The following CREB5 variants were observed in gnomAD, a reference collection of about 807,000 sequenced individuals.
CREB5 encodes the protein cyclic AMP-responsive element-binding protein 5.
Under a neutral mutation model 57.1 loss-of-function variants are expected in CREB5, and 19 were observed. The observed-to-expected ratio is 0.33, with a 90% CI of 0.23 to 0.49. The LOEUF (loss-of-function observed/expected upper bound fraction) is 0.49. Ranked by LOEUF, CREB5 falls within the 20% of genes least tolerant of loss-of-function variation. CREB5 has a pLI of 0.99. For missense variants in CREB5, 579 were observed against 671.6 expected (o/e 0.86, Z 1.52); for synonymous variants, 238 against 238.3 (o/e 1.00, Z 0.01).
At chr7:28,562,962 T>G (rs1333163241) in intron 4 of CREB5, among the ~76,000 whole-genome samples, 1 of 152,220 alleles carries the variant, frequency 6.6e-6, no homozygotes, top group African/African-American at 2.4e-5. Flanking sequence ...GTGATGAGCC[T>G]GGTTAAGACG....
At chr7:28,486,854 C>T (rs1210281732) in intron 1 of CREB5, among the ~76,000 whole-genome samples, 3 of 150,890 alleles carry the variant, frequency 2.0e-5, no homozygotes, top group African/African-American at 7.3e-5. Flanking sequence ...CTTGTAATCC[C>T]AGCATTTTGG....
chr7:28,368,009 A>G (rs972973276), intron 1 of CREB5, among the ~76,000 whole-genome samples: 1 of 152,118 alleles, frequency 6.6e-6, no homozygotes, highest in African/African-American at 2.4e-5. Context: ...CCAATGATCT[A>G]TGCTCCATAA....
chr7:28,432,380 A>G (rs1324874195), intron 1 of CREB5, among the ~76,000 whole-genome samples: 5 of 152,200 alleles, frequency 3.3e-5, no homozygotes, highest in African/African-American at 1.2e-4. Context: ...CGGTTGTGTC[A>G]TCTATGGCTG....
intron 4 of CREB5, among the ~76,000 whole-genome samples, chr7:28,552,973 T>A (rs953049510): frequency 5.9e-5 from 9 of 152,230 alleles, no homozygotes; most frequent in African/African-American, 1.9e-4. Context: ...AGAATAGCCA[T>A]TCATATGTCT....
chr7:28,733,554 T>C (rs977167752), intron 7 of CREB5, among the ~76,000 whole-genome samples: 2 of 152,244 alleles, frequency 1.3e-5, no homozygotes, highest in African/African-American at 4.8e-5. Flanking sequence ...AGCTCAAATG[T>C]ACCTTTCCTG....
intron 5 of CREB5, among the ~76,000 whole-genome samples, chr7:28,581,750 G>A (rs982111204): frequency 6.6e-6 from 1 of 152,198 alleles, no homozygotes; most frequent in Middle Eastern, 3.2e-3. Context: ...AATCTGTCAA[G>A]CATCGCAAAG....
At chr7:28,310,828 T>A (rs1298815540) in intron 1 of CREB5, among the ~76,000 whole-genome samples, 1 of 152,176 alleles carries the variant, frequency 6.6e-6, no homozygotes, top group Non-Finnish European at 1.5e-5. Context: ...AATTACAAAA[T>A]CATTATTACA....
chr7:28,796,011 C>T (rs1374729519), intron 7 of CREB5, among the ~76,000 whole-genome samples: 2 of 152,080 alleles, frequency 1.3e-5, no homozygotes, highest in Non-Finnish European at 2.9e-5. Flanking sequence ...CCTTTACCTC[C>T]CAAAGTGCTG....
At chr7:28,640,501 T>C (rs915772856) in intron 5 of CREB5, among the ~76,000 whole-genome samples, 1 of 152,228 alleles carries the variant, frequency 6.6e-6, no homozygotes. Flanking sequence ...CTCTTTTATA[T>C]CATTTCTATC....
At position 28,819,269 on chromosome 7, in the gene CREB5, C is replaced by T. The variant is rs370060119; in HGVS notation, c.1517C>T (p.Pro506Leu). The change falls in exon 11 of 11, where the codon CCG becomes CTG. Residue 506 changes from proline to leucine, a missense_variant. Physicochemically the swap from Pro to Leu is moderately conservative, Grantham distance 98. Transcript: ENST00000357727. The part of the protein sequence containing the change: ...QLTTHRTDLN[P>L]IL ...ACCACTCACAGAACAGACCTGAATC[C>T]GATTCTTTAAAATGCACCATCAGAC... 122 of 1,612,866 alleles carry T rather than the reference C, an allele frequency of 7.6e-5. 1 individual carries two copies. The South Asian group carries it at 1.1e-3, about 14-fold the overall frequency.
At chr7:28,772,212 GCTAGACA>G (rs1806363510) in intron 7 of CREB5, among the ~76,000 whole-genome samples, 1 of 152,168 alleles carries the variant, frequency 6.6e-6, no homozygotes, top group African/African-American at 2.4e-5. Flanking sequence ...GCTTCAGACG[GCTAGACA>G]CTTGGGACCT....
At chr7:28,446,318 C>G (rs1331268258) in intron 1 of CREB5, among the ~76,000 whole-genome samples, 1 of 152,060 alleles carries the variant, frequency 6.6e-6, no homozygotes, top group African/African-American at 2.4e-5. Context: ...TCTGGCAGCT[C>G]CCACAATATG....
intron 5 of CREB5, among the ~76,000 whole-genome samples, chr7:28,635,856 G>A (rs160361): frequency 0.085 from 12,998 of 152,212 alleles, 648 homozygotes; most frequent in Non-Finnish European, 0.11. Context: ...ACTCCTGGCA[G>A]CCTACCTGAC....
At chr7:28,328,489 A>G (rs904217471) in intron 1 of CREB5, among the ~76,000 whole-genome samples, 6 of 152,296 alleles carry the variant, frequency 3.9e-5, no homozygotes, top group African/African-American at 1.4e-4. Context: ...TGTATTTTTA[A>G]GGTGTGGCCA....
intron 4 of CREB5, among the ~76,000 whole-genome samples, chr7:28,531,761 G>T (rs1793740752): frequency 6.6e-6 from 1 of 152,068 alleles, no homozygotes. Context: ...CCGGGCGTGG[G>T]GGCTCACGCC....
At chr7:28,673,059 A>G (rs932113701) in intron 5 of CREB5, among the ~76,000 whole-genome samples, 43 of 152,204 alleles carry the variant, frequency 2.8e-4, no homozygotes, top group African/African-American at 1.0e-3. Flanking sequence ...CTGGGGAGGG[A>G]AGGATTGATT....
At chr7:28,576,761 T>A (rs986765515) in intron 5 of CREB5, among the ~76,000 whole-genome samples, 8 of 152,220 alleles carry the variant, frequency 5.3e-5, no homozygotes, top group African/African-American at 1.9e-4. Context: ...ACAGTTGGCT[T>A]TGCCTGTGAG....
At chr7:28,518,947 C>T (rs148735) in intron 4 of CREB5, among the ~76,000 whole-genome samples, 113,228 of 152,142 alleles carry the variant, frequency 0.74, 42,372 homozygotes, top group East Asian at 0.85. Context: ...GTTCTAAACA[C>T]AGGAAGTTAG....
At chr7:28,560,897 C>CGTGTGCGTGCGTGTGTGCGTGCGT (rs1334757992) in intron 4 of CREB5, among the ~76,000 whole-genome samples, 1 of 22,526 alleles carries the variant, frequency 4.4e-5, no homozygotes, top group Non-Finnish European at 9.2e-5. Flanking sequence ...CGTGTGTGTG[C>CGTGTGCGTGCGTGTGTGCGTGCGT]GTGCGCGCGT....
Sources: gnomAD v4.1 joint callset for allele counts (sites outside exome capture counted in the v4.1 genomes callset) on GRCh38, gnomAD v4.1.1 for gene constraint, MANE v1.5 for transcripts, NCBI Gene and HGNC (gene_info 2026-07-23, HGNC 2026-07-21) for gene names.